The following GPBP1 variants were observed in gnomAD, a reference collection of about 807,000 sequenced individuals.
The protein encoded by GPBP1 is vasculin.
In GPBP1, 13 loss-of-function variants were observed where a neutral mutation model predicts 56.5. The ratio of observed to expected loss-of-function variants is 0.23; its 90% CI spans 0.15 to 0.37. GPBP1 has a LOEUF of 0.37. GPBP1 is among the 10% of genes least tolerant of loss of function. The probability of loss-of-function intolerance (pLI) is 1.00; values close to 1 mark genes in which losing one functional copy is unlikely to be tolerated. For synonymous variants in GPBP1, 204 were observed against 188.9 expected, an observed-to-expected ratio of 1.08 and a Z score of -0.66; for missense variants, 477 against 572.3, an observed-to-expected ratio of 0.83 and a Z score of 1.70.
chr5:57,223,175 T>G (rs1354969713), intron 3 of GPBP1, among the ~76,000 whole-genome samples: 3 of 152,130 alleles, frequency 2.0e-5, no homozygotes, highest in Admixed American at 2.0e-4. Flanking sequence ...GGTCTCACTG[T>G]GTTACCCAGG....
At chr5:57,243,991 C>T (rs555562217) in intron 6 of GPBP1, among the ~76,000 whole-genome samples, 1 of 152,240 alleles carries the variant, frequency 6.6e-6, no homozygotes, top group South Asian at 2.1e-4. Context: ...ACCCAGCCTA[C>T]TTCCTGGATC....
intron 2 of GPBP1, among the ~76,000 whole-genome samples, chr5:57,183,241 C>T (rs1198337926): frequency 1.3e-5 from 2 of 152,096 alleles, no homozygotes; most frequent in Admixed American, 1.3e-4. Context: ...GTGGCACATG[C>T]CTGTAATCCC....
At chr5:57,202,264 C>G (rs1459059936) in intron 2 of GPBP1, among the ~76,000 whole-genome samples, 4 of 152,084 alleles carry the variant, frequency 2.6e-5, no homozygotes, top group African/African-American at 9.7e-5. Flanking sequence ...GGATTGTAGG[C>G]ATGAACCAGT....
chr5:57,260,397 A>G (rs990474644), intron 10 of GPBP1, among the ~76,000 whole-genome samples: 6 of 152,148 alleles, frequency 3.9e-5, no homozygotes, highest in Non-Finnish European at 7.3e-5. Flanking sequence ...GTAAAGCATC[A>G]GTGATTTCAT....
chr5:57,176,143 G>T lies in GPBP1; in HGVS notation c.-315G>T. On this transcript the variant is annotated 5_prime_UTR_variant, in exon 2 of 12. Transcript: ENST00000506184. Reference sequence around the variant, plus strand: ...TCTGGAGTGGACAAGTACAACAGTGGCAAGTACATGGAATAATAAAGAAGA... The same window carrying T: ...TCTGGAGTGGACAAGTACAACAGTGTCAAGTACATGGAATAATAAAGAAGA... 1 of 396,320 alleles carries T rather than the reference G, an allele frequency of 2.5e-6. No individual in the cohort carries two copies. The highest frequency in any genetic ancestry group is 4.4e-6 in the Non-Finnish European group (1 of 225,016). 24.6% of individuals were successfully genotyped at this position (396,320 alleles called of 1,614,324 possible). A position where few individuals can be genotyped will look rare whatever the true frequency, so the allele number is the denominator to read the frequency against.
intron 3 of GPBP1, among the ~76,000 whole-genome samples, chr5:57,220,835 C>G (rs1160718324): frequency 1.7e-5 from 2 of 120,850 alleles, no homozygotes; most frequent in Admixed American, 7.6e-5. Flanking sequence ...ACAATACTTT[C>G]TAGTGATACT....
intron 6 of GPBP1, among the ~76,000 whole-genome samples, chr5:57,242,602 T>A (rs778090556): frequency 2.0e-5 from 3 of 152,084 alleles, no homozygotes; most frequent in Non-Finnish European, 2.9e-5. Context: ...CAAGCGATCT[T>A]CCTGCCTCAT....
intron 10 of GPBP1, among the ~76,000 whole-genome samples, chr5:57,255,101 T>C (rs1036448120): frequency 6.6e-6 from 1 of 152,224 alleles, no homozygotes; most frequent in Admixed American, 6.5e-5. Flanking sequence ...TTTCCCCCTC[T>C]GCCATTTGAA....
At chr5:57,201,439 C>T (rs13166423) in intron 2 of GPBP1, among the ~76,000 whole-genome samples, 37,008 of 151,966 alleles carry the variant, frequency 0.24, 4,855 homozygotes, top group Middle Eastern at 0.31. Flanking sequence ...AGGCTGGTCT[C>T]GAACTCCTAA....
At chr5:57,205,006 G>A (rs1019877771) in intron 2 of GPBP1, among the ~76,000 whole-genome samples, 2 of 152,010 alleles carry the variant, frequency 1.3e-5, no homozygotes, top group Non-Finnish European at 2.9e-5. Context: ...ACAATTCATT[G>A]GCATTTAGTA....
At chr5:57,227,701 A>T (rs1756258311) in intron 3 of GPBP1, among the ~76,000 whole-genome samples, 1 of 152,178 alleles carries the variant, frequency 6.6e-6, no homozygotes, top group African/African-American at 2.4e-5. Context: ...GGCTGTACAG[A>T]ACCAGTGCCA....
At chr5:57,179,411 C>T (rs1327747127) in intron 2 of GPBP1, among the ~76,000 whole-genome samples, 2 of 152,102 alleles carry the variant, frequency 1.3e-5, no homozygotes, top group South Asian at 2.1e-4. Flanking sequence ...TGTAATGGCA[C>T]GATTGTAGCT....
At chr5:57,252,716 T>A (rs7728959) in intron 10 of GPBP1, among the ~76,000 whole-genome samples, 36,703 of 139,752 alleles carry the variant, frequency 0.26, 4,670 homozygotes, top group Middle Eastern at 0.33. Context: ...TTATTGTAAA[T>A]TTTTTTTTTT....
At chr5:57,197,498 C>T (rs758629588) in intron 2 of GPBP1, among the ~76,000 whole-genome samples, 1 of 151,422 alleles carries the variant, frequency 6.6e-6, no homozygotes, top group African/African-American at 2.4e-5. Context: ...GCTGGGATTA[C>T]AGGTGCCTGC....
At position 57,230,946 on chromosome 5, in the gene GPBP1, C is replaced by G. The variant is rs1316470607; in HGVS notation, c.164C>G (p.Ser55Cys). ...RRHNSSDGFDSAIGRPNGGNF... is the reference protein window; with the variant it reads ...RRHNSSDGFDCAIGRPNGGNF... Reference sequence around the variant, plus strand: ...CACAACTCTTCAGATGGCTTTGATTCTGCTATTGGGCGTCCTAATGGAGGT... The same window carrying G: ...CACAACTCTTCAGATGGCTTTGATTGTGCTATTGGGCGTCCTAATGGAGGT... The change falls in exon 4 of 12, where the codon TCT (serine) becomes TGT (cysteine). Residue 55 changes from serine to cysteine, a missense_variant. Transcript: ENST00000506184. 3 of 1,611,020 alleles carry G rather than the reference C, an allele frequency of 1.9e-6. No homozygotes were observed. Among genetic ancestry groups the G allele is most frequent in the Non-Finnish European group, 2.5e-6 (3 of 1,178,784 alleles).
intron 2 of GPBP1, among the ~76,000 whole-genome samples, chr5:57,185,273 TTTTTA>T (rs1413241162): frequency 6.8e-6 from 1 of 146,492 alleles, no homozygotes. Flanking sequence ...TTTTTTTTTT[TTTTTA>T]AAGACAGAGT....
At chr5:57,211,576 T>TTGTTGTTGTTGTTG (rs67872011) in intron 2 of GPBP1, among the ~76,000 whole-genome samples, 20 of 151,034 alleles carry the variant, frequency 1.3e-4, no homozygotes, top group African/African-American at 4.9e-4. Context: ...CTCCGGGGAT[T>TTGTTGTTGTTGTTG]TTGTTGTTGT....
Position 57,194,161 on chromosome 5 carries a change from A to G in GPBP1, c.-58+17761A>G, listed in dbSNP as rs574143669. ...TGCATGCTAGTATAACTAGACCTCT[A>G]TTGATGTATATTAGCCTGTTTCTTG... On this transcript the variant is annotated intron_variant, in intron 2 of 11. Coordinates refer to ENST00000506184, the MANE Select transcript of GPBP1 (RefSeq NM_022913.4). Among the ~76,000 whole-genome samples, 29 of 152,162 alleles carry G rather than the reference A, an allele frequency of 1.9e-4. 1 individual carries two copies. The South Asian group carries it at 2.9e-3, about 15-fold the overall frequency.
chr5:57,223,523 T>C (rs1468553258), intron 3 of GPBP1, among the ~76,000 whole-genome samples: 1 of 152,138 alleles, frequency 6.6e-6, no homozygotes, highest in Non-Finnish European at 1.5e-5. Context: ...ATATAATCAA[T>C]GGACATTCCA....
Sources: allele counts gnomAD v4.1 joint callset (sites outside exome capture counted in the v4.1 genomes callset), GRCh38; gene constraint gnomAD v4.1.1; transcripts MANE v1.5; gene names NCBI Gene and HGNC (gene_info 2026-07-23, HGNC 2026-07-21).